GSTT4: variants seen among roughly 807,000 people sequenced by gnomAD.
GSTT4 encodes glutathione S-transferase theta-4.
At chr22:23,990,622 TAATAAATAAATAAATA>T in the GSTT4 span, among the ~76,000 whole-genome samples, 4 of 66,494 alleles carry the variant, frequency 6.0e-5, no homozygotes, top group East Asian at 1.1e-3. Context: ...TGAGACACTG[TAATAAATAAATAAATA>T]AATAAATAAA....
At chr22:23,996,668 TC>T (rs2034119075), downstream of GSTT4, among the ~76,000 whole-genome samples, 1 of 152,226 alleles carries the variant, frequency 6.6e-6, no homozygotes, top group Non-Finnish European at 1.5e-5. Flanking sequence ...GCATTTGTAC[TC>T]CTGGGATAAA....
downstream of GSTT4, among the ~76,000 whole-genome samples, chr22:23,995,895 G>A (rs1195261460): frequency 2.0e-5 from 3 of 152,126 alleles, no homozygotes; most frequent in Admixed American, 6.6e-5. Context: ...TATTGCAAAT[G>A]TATACTATTG....
intron 2 of GSTT4, among the ~76,000 whole-genome samples, chr22:24,002,356 G>C (rs1048591929): frequency 2.0e-5 from 3 of 152,268 alleles, no homozygotes; most frequent in Non-Finnish European, 4.4e-5. Context: ...GGGATGGAGG[G>C]GAGACATGCT....
At chr22:23,996,935 T>A (rs943675650), downstream of GSTT4, among the ~76,000 whole-genome samples, 5 of 152,142 alleles carry the variant, frequency 3.3e-5, no homozygotes, top group Non-Finnish European at 5.9e-5. Context: ...TTTGGTTGAA[T>A]TCACCAGGGA....
At chr22:23,991,914 G>T in the GSTT4 span, among the ~76,000 whole-genome samples, 3 of 144,902 alleles carry the variant, frequency 2.1e-5, no homozygotes, top group African/African-American at 7.5e-5. Context: ...TTAGCCGGGC[G>T]GGGTGGCGGG....
Position 23,998,773 on chromosome 22 carries a change from C to G in GSTT4, c.529-34G>C, listed in dbSNP as rs189125122. Reference sequence around the variant, plus strand: ...AGACGAAGACAAAGACGTGGTCAGCCTGGGGACCAGCCCCACCTGGGTCCT... The same window carrying G: ...AGACGAAGACAAAGACGTGGTCAGCGTGGGGACCAGCCCCACCTGGGTCCT... On this transcript the variant is annotated intron_variant, in intron 4 of 4. Transcript: ENST00000621179. The G allele has an allele frequency of 8.0e-4, 124 of 154,904 alleles. 2 individuals carry two copies. Among genetic ancestry groups the G allele is most frequent in the African/African-American group, 2.9e-3 (122 of 41,618 alleles). The allele number at this position is 154,904 out of a possible 1,614,324, so 9.6% of individuals were successfully genotyped here.
chr22:24,002,362 A>C (rs1193455207), intron 2 of GSTT4, among the ~76,000 whole-genome samples: 2 of 152,262 alleles, frequency 1.3e-5, no homozygotes, highest in Admixed American at 6.5e-5. Context: ...GAGGGGAGAC[A>C]TGCTTCGGAG....
At chr22:24,001,025 C>T (rs1294470360) in intron 3 of GSTT4, 150 bp downstream of exon 3, 5 of 108,636 alleles carry the variant, frequency 4.6e-5, no homozygotes, top group East Asian at 2.2e-4. Context: ...CTCTGTAAGG[C>T]GGGCAGGAGA....
rs2034193111 is a variant in GSTT4 at position 24,000,089 on chromosome 22, C to G, written c.514G>C (p.Val172Leu). The change falls in exon 4 of 5, where the codon GTG becomes CTG. Residue 172 changes from valine (V) to leucine (L), a missense_variant. Coordinates refer to ENST00000621179, the MANE Select transcript of GSTT4 (RefSeq NM_001358664.2). ...QISLADLVAV[V>L]EMMQPMAANY... ...CCACTCCACACCTGCATCATCTCCA[C>G]CACGGCCACCAGGTCAGCCAGTGAG... The G allele has an allele frequency of 1.3e-5, 2 of 156,794 alleles. No individual in the cohort carries two copies. Among genetic ancestry groups the G allele is most frequent in the East Asian group, 1.9e-4 (1 of 5,218 alleles). 9.7% of individuals were successfully genotyped at this position (156,794 alleles called of 1,614,324 possible). A position where few individuals can be genotyped will look rare whatever the true frequency, so the allele number is the denominator to read the frequency against.
downstream of GSTT4, among the ~76,000 whole-genome samples, chr22:23,995,486 T>C (rs56995582): frequency 6.1e-3 from 921 of 152,128 alleles, 11 homozygotes; most frequent in African/African-American, 0.02. Flanking sequence ...CCAACCGAAA[T>C]ACATAGAAGA....
the GSTT4 span, among the ~76,000 whole-genome samples, chr22:23,990,973 C>T: frequency 8.9e-5 from 9 of 100,754 alleles, 3 homozygotes; most frequent in Admixed American, 1.0e-3. Context: ...GAGTTCTAGG[C>T]CAGCCTCGGA....
intron 4 of GSTT4, among the ~76,000 whole-genome samples, 167 bp from the exon 5 acceptor site, chr22:23,998,906 T>A (rs1569038255): frequency 6.6e-6 from 1 of 152,230 alleles, no homozygotes. Context: ...TAGATGTAGG[T>A]GGGGATGGAG....
intron 1 of GSTT4, chr22:24,004,812 G>T: frequency 6.5e-6 from 1 of 153,270 alleles, no homozygotes. Flanking sequence ...AAGCCGCGTG[G>T]CATCTTTTCC....
chr22:23,997,270 G>A (rs1004010471), downstream of GSTT4, among the ~76,000 whole-genome samples: 1 of 151,906 alleles, frequency 6.6e-6, no homozygotes, highest in African/African-American at 2.4e-5. Flanking sequence ...AGGCTGGAGT[G>A]CAGTGGTGCA....
intron 2 of GSTT4, among the ~76,000 whole-genome samples, chr22:24,002,477 G>C (rs1473328847): frequency 1.3e-5 from 2 of 152,274 alleles, no homozygotes; most frequent in Non-Finnish European, 2.9e-5. Context: ...AAAAAGGTCA[G>C]GGCATGGAGA....
chr22:23,990,043 G>T, the GSTT4 span, among the ~76,000 whole-genome samples: 1 of 149,542 alleles, frequency 6.7e-6, no homozygotes, highest in Admixed American at 6.7e-5. Flanking sequence ...TGCCCAGGGG[G>T]CTCTGGCTCT....
the GSTT4 span, among the ~76,000 whole-genome samples, chr22:23,992,074 G>T: frequency 1.3e-5 from 1 of 78,042 alleles, no homozygotes; most frequent in Non-Finnish European, 3.2e-5. Flanking sequence ...AAAAAAAAAA[G>T]GAAGAGGAGA....
chr22:23,999,060 C>T (rs962705305), intron 4 of GSTT4, among the ~76,000 whole-genome samples: 2 of 152,216 alleles, frequency 1.3e-5, no homozygotes, highest in African/African-American at 4.8e-5. Context: ...CAGGGAGACC[C>T]CTTATCCCAG....
chr22:24,003,625 T>A (rs993949425), intron 2 of GSTT4, 135 bp downstream of exon 2: 1 of 154,156 alleles, frequency 6.5e-6, no homozygotes, highest in African/African-American at 2.4e-5. Flanking sequence ...GGGTTCCTCG[T>A]GTCCCTCATT....
Sources: allele counts gnomAD v4.1 joint callset (sites outside exome capture counted in the v4.1 genomes callset), GRCh38; gene constraint gnomAD v4.1.1; transcripts MANE v1.5; gene names NCBI Gene and HGNC (gene_info 2026-07-23, HGNC 2026-07-21).